Variants in BSN observed in about 807,000 individuals in gnomAD.
BSN encodes protein bassoon.
In BSN, 57 loss-of-function variants were observed where a neutral mutation model predicts 264.8. The ratio of observed to expected loss-of-function variants is 0.22; its 90% CI spans 0.17 to 0.27. The LOEUF is 0.27. Ranked by LOEUF, BSN falls within the 10% of genes least tolerant of loss-of-function variation. The pLI is 1.00. For missense variants in BSN, 4,615 were observed against 5,232.5 expected, an observed-to-expected ratio of 0.88 and a Z score of 3.64; for synonymous variants, 2,059 against 2,137.3, an observed-to-expected ratio of 0.96 and a Z score of 1.01.
chr3:49,624,009 C>A (rs897087732), intron 1 of BSN, among the ~76,000 whole-genome samples: 1 of 151,446 alleles, frequency 6.6e-6, no homozygotes, highest in East Asian at 1.9e-4. Flanking sequence ...TCTTTCTTTT[C>A]TTTTTTTTTG....
chr3:49,614,075 T>G (rs1457494342), intron 1 of BSN, among the ~76,000 whole-genome samples: 1 of 147,492 alleles, frequency 6.8e-6, no homozygotes, highest in Admixed American at 6.8e-5. Flanking sequence ...TTTTTTTTTT[T>G]GTGAGACGGA....
Position 49,662,226 on chromosome 3 carries a change from G to C in BSN, c.10381G>C (p.Gly3461Arg). 1 of 1,613,788 alleles carries C rather than the reference G, an allele frequency of 6.2e-7. No homozygotes were observed. Among genetic ancestry groups the C allele is most frequent in the Non-Finnish European group, 8.5e-7 (1 of 1,179,916 alleles). ...GEKLSSHDFS[G>R]WGKGYERERE... ...GAAGCTGTCCAGCCACGACTTCAGTGGCTGGGGCAAGGGGTACGAAAGGGA... is the reference window on the plus strand; with the variant it reads ...GAAGCTGTCCAGCCACGACTTCAGTCGCTGGGGCAAGGGGTACGAAAGGGA... Residue 3461 changes from glycine to arginine, a missense_variant, in exon 6 of 12, where the codon GGC becomes CGC. Physicochemically the swap from Gly to Arg is moderately radical, Grantham distance 125. Transcript: ENST00000296452.
rs1210274515 is a variant in BSN at position 49,650,925 on chromosome 3, G to A, written c.1832G>A (p.Arg611Gln). The change falls in exon 4 of 12, where the codon CGA becomes CAA. Residue 611 changes from arginine to glutamine, a missense_variant. Physicochemically the swap from Arg to Gln is conservative, Grantham distance 43 (BLOSUM62 1). Around this residue, in one of 3 missense-constraint regions of BSN, gnomAD observed 1,197 missense variants for 1,348.0 expected, o/e 0.89. Transcript: ENST00000296452. Reference sequence around the variant, plus strand: ...AGCAGTGTCCAGGAAAAGAAGACCCGAGTCCCCACTAAAGCTGAGCCCATG... The same window carrying A: ...AGCAGTGTCCAGGAAAAGAAGACCCAAGTCCCCACTAAAGCTGAGCCCATG... ...TPSSVQEKKT[R>Q]VPTKAEPMPK... 5.6e-6 allele frequency: 9 copies of A among 1,614,018 alleles called. No homozygotes were observed. The highest frequency in any genetic ancestry group is 2.2e-5 in the East Asian group (1 of 44,898).
At position 49,642,154 on chromosome 3, in the gene BSN, G is replaced by A. The variant is rs887008603; in HGVS notation, c.634-114G>A. ...GCCCAGAAATGCCTGAGCAGGGCTT[G>A]GTGCTCCTGCCTGTGCTAGGAGTGG... On this transcript the variant is annotated intron_variant, in intron 2 of 11. Coordinates refer to ENST00000296452, the MANE Select transcript of BSN (RefSeq NM_003458.4). The surrounding 1 kb of genome is among the most constrained non-coding windows in gnomAD (Gnocchi z 7.0). 1.2e-6 allele frequency: 1 copy of A among 818,530 alleles called. No homozygotes were observed. Among genetic ancestry groups the A allele is most frequent in the African/African-American group, 1.8e-5 (1 of 55,660 alleles). The allele number at this position is 818,530 out of a possible 1,614,324, so 50.7% of individuals were successfully genotyped here.
intron 1 of BSN, among the ~76,000 whole-genome samples, chr3:49,605,914 A>G (rs1224858904): frequency 0.014 from 13 of 902 alleles, no homozygotes; most frequent in Non-Finnish European, 0.027. Flanking sequence ...ATAAATAGAT[A>G]TAAATAGATA....
chr3:49,591,070 CAA>C (rs748353555), intron 1 of BSN, among the ~76,000 whole-genome samples: 2 of 113,058 alleles, frequency 1.8e-5, no homozygotes. Flanking sequence ...GACTCCATCT[CAA>C]AAAAAAAAAA....
Position 49,650,811 on chromosome 3 carries a change from G to A in BSN, c.1718G>A (p.Ser573Asn), listed in dbSNP as rs749088956. 9.9e-6 allele frequency: 16 copies of A among 1,613,924 alleles called. No homozygotes were observed. Among genetic ancestry groups the A allele is most frequent in the Non-Finnish European group, 1.4e-5 (16 of 1,179,974 alleles). ...TCAGGCCCCCTGCCTGCCAAGGCCA[G>A]CCCTCTATCCACCAAGGCCAGCCCT... ...QPSGPLPAKASPLSTKASPLP... is the reference protein window; with the variant it reads ...QPSGPLPAKANPLSTKASPLP... Residue 573 changes from serine (S) to asparagine (N), a missense_variant, in exon 4 of 12, where the codon AGC becomes AAC. This residue lies in a region of BSN where 1,197 missense variants were observed against 1,348.0 expected (regional missense o/e 0.89). Coordinates refer to ENST00000296452, the MANE Select transcript of BSN (RefSeq NM_003458.4).
rs569202274 is a variant in BSN, at chr3:49,575,644, ATG to A, written c.224+20832_224+20833del. The stretch of plus-strand genomic sequence containing the variant: ...ATATATAGTATATATATGTATATAT[ATG>A]TGTGTGTGTGTGTATATATATATAT... On this transcript the variant is annotated intron_variant, in intron 1 of 11. Transcript: ENST00000296452. Among the ~76,000 whole-genome samples the A allele has an allele frequency of 3.6e-3, 307 of 85,000 alleles. 2 individuals carry two copies. The highest frequency in any genetic ancestry group is 7.9e-3 in the African/African-American group (176 of 22,288). 55.8% of individuals were successfully genotyped at this position (85,000 alleles called of 152,430 possible).
chr3:49,648,855 C>T (rs1184380361), intron 3 of BSN, among the ~76,000 whole-genome samples: 1 of 152,236 alleles, frequency 6.6e-6, no homozygotes, highest in Non-Finnish European at 1.5e-5. Context: ...TAAAGGGTCC[C>T]CCTCCACAGC....
intron 1 of BSN, among the ~76,000 whole-genome samples, chr3:49,603,639 G>A (rs1165271354): frequency 6.6e-6 from 1 of 152,182 alleles, no homozygotes. Flanking sequence ...GAGGATCTCT[G>A]CAGTCCATTA....
chr3:49,620,948 C>A (rs190229982), intron 1 of BSN, among the ~76,000 whole-genome samples: 4 of 152,296 alleles, frequency 2.6e-5, no homozygotes, highest in Non-Finnish European at 4.4e-5. Context: ...CACACACACA[C>A]AAAAAGACTT....
intron 1 of BSN, among the ~76,000 whole-genome samples, chr3:49,565,006 AAG>A (rs1559592873): frequency 2.6e-5 from 4 of 152,002 alleles, no homozygotes; most frequent in East Asian, 1.9e-4. Context: ...AAAAAAAAAA[AAG>A]AAGAAAAGAA....
intron 2 of BSN, among the ~76,000 whole-genome samples, chr3:49,629,024 T>TCTCACCA (rs2052365816): frequency 6.6e-6 from 1 of 152,012 alleles, no homozygotes; most frequent in African/African-American, 2.4e-5. Context: ...CCTGAACATT[T>TCTCACCA]CTCACCACCC....
At chr3:49,572,044 C>G (rs1532204) in intron 1 of BSN, among the ~76,000 whole-genome samples, 126,512 of 152,128 alleles carry the variant, frequency 0.83, 52,930 homozygotes, top group East Asian at 0.99. Context: ...GAGTTCACAG[C>G]GGAAACACAA....
chr3:49,659,248 G>C (rs2052634347), intron 5 of BSN, among the ~76,000 whole-genome samples: 1 of 152,160 alleles, frequency 6.6e-6, no homozygotes, highest in Admixed American at 6.5e-5. Context: ...CAGGACTCTA[G>C]GCTGGCAGGG....
chr3:49,655,981 T>G lies in BSN; in HGVS notation c.6425T>G (p.Val2142Gly). The change falls in exon 5 of 12, where the codon GTT (valine) becomes GGT (glycine). Residue 2142 changes from valine (V) to glycine (G), a missense_variant. Transcript: ENST00000296452. Reference sequence around the variant, plus strand: ...GGGCTCAGTGCTCCACAGAGTCTGGTTCCCCTCAGACCTGGACTCCTTGGT... The same window carrying G: ...GGGCTCAGTGCTCCACAGAGTCTGGGTCCCCTCAGACCTGGACTCCTTGGT... ...GPGLSAPQSL[V>G]PLRPGLLGNP... 6.2e-7 allele frequency: 1 copy of G among 1,608,424 alleles called. No homozygotes were observed. Among genetic ancestry groups the G allele is most frequent in the South Asian group, 1.1e-5 (1 of 90,958 alleles).
At chr3:49,634,896 C>T (rs2052409638) in intron 2 of BSN, among the ~76,000 whole-genome samples, 1 of 152,102 alleles carries the variant, frequency 6.6e-6, no homozygotes, top group African/African-American at 2.4e-5. Context: ...CATATATATA[C>T]ACCCCTCCCC....
At chr3:49,643,239 T>C in intron 3 of BSN, 87 bp downstream of exon 3, 1 of 1,498,316 alleles carries the variant, frequency 6.7e-7, no homozygotes, top group Non-Finnish European at 8.9e-7. Flanking sequence ...GAAAGAGTTC[T>C]GGGTCTGCAG....
At position 49,658,177 on chromosome 3, in the gene BSN, AG is replaced by A; in HGVS notation, c.8627del (p.Gly2876AspfsTer18). 1 of 1,576,364 alleles carries A rather than the reference AG, an allele frequency of 6.3e-7. No individual in the cohort carries two copies. On this transcript the variant is annotated frameshift_variant, in exon 5 of 12. Transcript: ENST00000296452. LOFTEE classifies it high-confidence loss of function. The part of the protein sequence containing the change: ...AKERFSLYQH[Q>X]GGLGSQVSAL... Reference sequence around the variant, plus strand: ...GAGAGATTCTCCCTCTACCAGCACCAGGGGGGACTGGGTAGCCAGGTATGGG... The same window carrying A: ...GAGAGATTCTCCCTCTACCAGCACCAGGGGGACTGGGTAGCCAGGTATGGG...
Sources: gnomAD v4.1 joint callset for allele counts (sites outside exome capture counted in the v4.1 genomes callset) on GRCh38, gnomAD v4.1.1 for gene constraint, gnomAD v4.1.1 regional missense constraint, Gnocchi (gnomAD v3.1) non-coding constraint, MANE v1.5 for transcripts, NCBI Gene and HGNC (gene_info 2026-07-23, HGNC 2026-07-21) for gene names.